Variants in HNF4G observed in about 807,000 individuals in gnomAD.
The protein encoded by HNF4G is hepatocyte nuclear factor 4 gamma, also known as hepatocyte nuclear factor 4-gamma.
A neutral mutation model predicts 50.9 loss-of-function variants in HNF4G; 21 were observed. That is an observed-to-expected ratio of 0.41 (90% confidence interval 0.29 to 0.59). HNF4G has a LOEUF of 0.59. Ranked by LOEUF, HNF4G falls within the 20% of genes least tolerant of loss-of-function variation. HNF4G has a pLI of 0.26. For synonymous variants in HNF4G, 198 were observed against 185.6 expected, an observed-to-expected ratio of 1.07 and a Z score of -0.54; for missense variants, 527 against 559.4, an observed-to-expected ratio of 0.94 and a Z score of 0.58.
At chr8:75,508,279 G>A (rs1455529836) in intron 2 of HNF4G, among the ~76,000 whole-genome samples, 2 of 151,616 alleles carry the variant, frequency 1.3e-5, no homozygotes, top group East Asian at 1.9e-4. Context: ...AATGGGCTGG[G>A]CACAAGCCTT....
chr8:75,465,307 C>T (rs998888558), intron 1 of HNF4G, among the ~76,000 whole-genome samples: 3 of 152,082 alleles, frequency 2.0e-5, no homozygotes, highest in African/African-American at 7.2e-5. Context: ...CAACTCTTTG[C>T]AATTTCATCA....
intron 1 of HNF4G, among the ~76,000 whole-genome samples, chr8:75,408,625 C>T (rs1810420432): frequency 6.6e-6 from 1 of 152,190 alleles, no homozygotes; most frequent in African/African-American, 2.4e-5. Context: ...AACAACGTGC[C>T]AGTTAAGCAA....
intron 1 of HNF4G, among the ~76,000 whole-genome samples, chr8:75,409,328 G>A (rs183581938): frequency 1.0e-3 from 158 of 152,014 alleles, no homozygotes; most frequent in Middle Eastern, 3.4e-3. Flanking sequence ...AACTCTTTTA[G>A]TAAAGTGTGT....
At chr8:75,555,244 A>T (rs1258788735) in intron 5 of HNF4G, among the ~76,000 whole-genome samples, 14 of 152,228 alleles carry the variant, frequency 9.2e-5, no homozygotes, top group African/African-American at 3.1e-4. Context: ...GACTCAAAAT[A>T]GTCTCTTGTT....
intron 2 of HNF4G, among the ~76,000 whole-genome samples, chr8:75,511,814 G>A (rs200501489): frequency 6.6e-6 from 1 of 152,190 alleles, no homozygotes; most frequent in Admixed American, 6.5e-5. Context: ...TCCTGACCTC[G>A]TGATCCACCC....
chr8:75,448,027 C>T (rs1811467894), intron 1 of HNF4G, among the ~76,000 whole-genome samples: 1 of 76,474 alleles, frequency 1.3e-5, no homozygotes, highest in Non-Finnish European at 2.5e-5. Flanking sequence ...AGACTTGGAA[C>T]CAACCCAAAT....
At position 75,478,981 on chromosome 8, in the gene HNF4G, C is replaced by T. The variant is rs181427153; in HGVS notation, c.-143-11108C>T. Among the ~76,000 whole-genome samples, 31 of 152,274 alleles carry T rather than the reference C, an allele frequency of 2.0e-4. No homozygotes were observed. The East Asian group carries it at 5.4e-3, about 27-fold the overall frequency. On this transcript the variant is annotated intron_variant, in intron 1 of 10. Coordinates refer to the HNF4G transcript ENST00000354370. ...AGGTGATCTGCCCGCCTCGGCCTCC[C>T]GAAGTGATAGAATTACATGCATGGC...
intron 1 of HNF4G, among the ~76,000 whole-genome samples, chr8:75,414,999 A>T (rs371160963): frequency 6.6e-6 from 1 of 152,228 alleles, no homozygotes; most frequent in African/African-American, 2.4e-5. Context: ...GTAGGGCTTG[A>T]GAGTTTCAAT....
At chr8:75,553,294 T>C in intron 5 of HNF4G, 97 bp downstream of exon 5, 1 of 965,244 alleles carries the variant, frequency 1.0e-6, no homozygotes, top group Non-Finnish European at 1.5e-6. Context: ...TATTCTATAT[T>C]ACTGTATTTG....
At chr8:75,499,387 A>G (rs1482050471) in intron 2 of HNF4G, among the ~76,000 whole-genome samples, 1 of 152,096 alleles carries the variant, frequency 6.6e-6, no homozygotes, top group Non-Finnish European at 1.5e-5. Flanking sequence ...GAATTCCTTA[A>G]TAATTGGAAA....
intron 1 of HNF4G, among the ~76,000 whole-genome samples, chr8:75,475,317 T>G (rs1290607920): frequency 1.3e-5 from 2 of 152,114 alleles, no homozygotes; most frequent in African/African-American, 4.8e-5. Context: ...CAAATAATTA[T>G]TTTTTAAAAA....
chr8:75,479,823 G>A (rs1359103822), intron 1 of HNF4G, among the ~76,000 whole-genome samples: 1 of 151,954 alleles, frequency 6.6e-6, no homozygotes, highest in African/African-American at 2.4e-5. Context: ...ATTTCCAGAA[G>A]ATTATCCATC....
chr8:75,483,911 C>A (rs1354692624), intron 1 of HNF4G, among the ~76,000 whole-genome samples: 3 of 152,030 alleles, frequency 2.0e-5, no homozygotes, highest in Non-Finnish European at 4.4e-5. Context: ...TATAACTGAC[C>A]TTTTAGTACA....
At chr8:75,408,014 C>T (rs905208345), upstream of HNF4G, 3 of 152,104 alleles carry the variant, frequency 2.0e-5, no homozygotes, top group Admixed American at 6.5e-5. Flanking sequence ...CAGCGCACCG[C>T]CCCGGCGGCT....
intron 1 of HNF4G, among the ~76,000 whole-genome samples, chr8:75,540,336 TAGAC>T (rs1286491385): frequency 6.6e-6 from 1 of 152,198 alleles, no homozygotes; most frequent in Non-Finnish European, 1.5e-5. Flanking sequence ...ATGGGCCAGT[TAGAC>T]AGGTAAAAAG....
chr8:75,412,147 A>C (rs1810516948), intron 1 of HNF4G, among the ~76,000 whole-genome samples: 1 of 152,226 alleles, frequency 6.6e-6, no homozygotes, highest in Non-Finnish European at 1.5e-5. Flanking sequence ...GCCCTCTAAT[A>C]GGCCTTGGAG....
intron 1 of HNF4G, among the ~76,000 whole-genome samples, chr8:75,413,530 C>T (rs2130466670): frequency 6.6e-6 from 1 of 152,150 alleles, no homozygotes; most frequent in African/African-American, 2.4e-5. Context: ...GACTTAGAAA[C>T]AACTCTTTCC....
At chr8:75,545,329 A>AGGCTATGAG (rs1230559720) in intron 2 of HNF4G, among the ~76,000 whole-genome samples, 1 of 151,912 alleles carries the variant, frequency 6.6e-6, no homozygotes, top group Non-Finnish European at 1.5e-5. Flanking sequence ...AGAATCACAA[A>AGGCTATGAG]GGCTATGAGG....
At chr8:75,502,041 C>G (rs559803148) in intron 2 of HNF4G, among the ~76,000 whole-genome samples, 1 of 152,078 alleles carries the variant, frequency 6.6e-6, no homozygotes, top group Non-Finnish European at 1.5e-5. Context: ...TTAGTAGAGA[C>G]GAGGTTTCAC....
Sources: gnomAD v4.1 joint callset for allele counts (sites outside exome capture counted in the v4.1 genomes callset) on GRCh38, gnomAD v4.1.1 for gene constraint, MANE v1.5 for transcripts, NCBI Gene and HGNC (gene_info 2026-07-23, HGNC 2026-07-21) for gene names.